The following ACSBG2 variants were observed in gnomAD, a reference collection of about 807,000 sequenced individuals.
The protein encoded by ACSBG2 is acyl-CoA synthetase bubblegum family member 2.
A neutral mutation model predicts 74.7 loss-of-function variants in ACSBG2; 62 were observed. The observed-to-expected ratio is 0.83, with a 90% CI of 0.68 to 1.03. The LOEUF (loss-of-function observed/expected upper bound fraction) is 1.03, where lower values mean the gene tolerates loss of function less well. Among genes scored for constraint, ACSBG2 ranks in the 50% least tolerant of loss-of-function variants. ACSBG2 has a pLI of 0.00. For missense variants in ACSBG2, 730 were observed against 817.6 expected (o/e 0.89, Z 1.31); for synonymous variants, 309 against 294.1 (o/e 1.05, Z -0.52).
rs114394502 is a variant in ACSBG2, at chr19:6,183,779, A to G, written c.1322+507A>G. Reference sequence around the variant, plus strand: ...TTTAGCATGGGTGAGGTTTGAAAAAATCTTTTCATACATGTGTTTATTTAT... The same window carrying G: ...TTTAGCATGGGTGAGGTTTGAAAAAGTCTTTTCATACATGTGTTTATTTAT... On this transcript the variant is annotated intron_variant, in intron 10 of 14. Coordinates refer to ENST00000588485, the MANE Select transcript of ACSBG2 (RefSeq NM_030924.5). 9.1e-3 allele frequency among the ~76,000 whole-genome samples: 1,389 copies of G among 152,162 alleles called. 25 individuals are homozygous for G. Among genetic ancestry groups the G allele is most frequent in the African/African-American group, 0.032 (1,325 of 41,514 alleles).
chr19:6,145,753 T>C lies in ACSBG2; in HGVS notation c.68-1693T>C, dbSNP rs1205537301. On this transcript the variant is annotated intron_variant, in intron 2 of 14. Transcript: ENST00000588485. ...GACCCCAAAACTGGTTTTGAATTGG[T>C]CCCTTTGCTAGTTCCATTTGGCTGA... Among the ~76,000 whole-genome samples, 6 of 152,174 alleles carry C rather than the reference T, an allele frequency of 3.9e-5. No individual in the cohort carries two copies. The East Asian group carries it at 1.2e-3, about 29-fold the overall frequency.
In ACSBG2 at chr19:6,142,258, G is replaced by A. The variant is rs527303651; in HGVS notation, c.67+648G>A. On this transcript the variant is annotated intron_variant, in intron 2 of 14. Transcript: ENST00000588485. Reference sequence around the variant, plus strand: ...GGAATCATCCATGTAGATAGGGTGCGGATATGATCATAGTGATTTATTAAC... The same window carrying A: ...GGAATCATCCATGTAGATAGGGTGCAGATATGATCATAGTGATTTATTAAC... Among the ~76,000 whole-genome samples, 7 of 152,174 alleles carry A rather than the reference G, an allele frequency of 4.6e-5. No individual in the cohort carries two copies. In the East Asian group the frequency reaches 7.7e-4, roughly 17 times the overall value.
chr19:6,157,852 C>T (rs2089475144), intron 5 of ACSBG2, among the ~76,000 whole-genome samples: 3 of 151,970 alleles, frequency 2.0e-5, no homozygotes, highest in Non-Finnish European at 2.9e-5. Context: ...CATTTCTTGT[C>T]ATTGTCTTCA....
intron 13 of ACSBG2, chr19:6,189,703 C>CTTTTTTTTTTTTT: frequency 6.6e-6 from 1 of 150,718 alleles, no homozygotes. Flanking sequence ...TATTTTCTTT[C>CTTTTTTTTTTTTT]TTTCTTTCTT....
chr19:6,178,766 G>A (rs115267943), intron 8 of ACSBG2, among the ~76,000 whole-genome samples: 4,800 of 152,216 alleles, frequency 0.032, 219 homozygotes, highest in African/African-American at 0.11. Context: ...AGCAAAATCT[G>A]AGTTGGAGAT....
intron 10 of ACSBG2, among the ~76,000 whole-genome samples, chr19:6,184,472 T>C (rs2090342495): frequency 2.6e-5 from 4 of 152,144 alleles, no homozygotes; most frequent in Admixed American, 2.6e-4. Flanking sequence ...TCATTTTTTC[T>C]TTTGCTAACC....
At chr19:6,183,718 G>T (rs1268206940) in intron 10 of ACSBG2, among the ~76,000 whole-genome samples, 1 of 152,188 alleles carries the variant, frequency 6.6e-6, no homozygotes, top group Non-Finnish European at 1.5e-5. Flanking sequence ...GTCAGTCATA[G>T]AATCTTCTGG....
Position 6,185,451 on chromosome 19 carries a change from G to T in ACSBG2, c.1338G>T (p.Leu446Phe). 1 of 1,614,154 alleles carries T rather than the reference G, an allele frequency of 6.2e-7. No homozygotes were observed. The highest frequency in any genetic ancestry group is 1.1e-5 in the South Asian group (1 of 91,064). ...CCCCTGGCAGCTGTGGCAAGATCTT[G>T]ACTGGGTGTAAGAATATGCTGTTCC... ...NYRLLSCGKI[L>F]TGCKNMLFQQ... The change falls in exon 11 of 15, where the codon TTG (leucine) becomes TTT (phenylalanine). Residue 446 changes from leucine to phenylalanine, a missense_variant. Leu to Phe is a conservative substitution (Grantham distance 22). Transcript: ENST00000588485.
chr19:6,169,867 T>A (rs2089915681), intron 7 of ACSBG2, among the ~76,000 whole-genome samples: 2 of 152,204 alleles, frequency 1.3e-5, no homozygotes, highest in Admixed American at 1.3e-4. Flanking sequence ...AATTCTTGAT[T>A]TGGTTTTCAA....
At chr19:6,160,053 TAGAG>T (rs879535818) in intron 5 of ACSBG2, among the ~76,000 whole-genome samples, 3 of 152,110 alleles carry the variant, frequency 2.0e-5, no homozygotes, top group Admixed American at 6.5e-5. Context: ...AGAAGTGTCA[TAGAG>T]AGACCCCATC....
At chr19:6,175,682 A>T (rs570734270) in intron 7 of ACSBG2, among the ~76,000 whole-genome samples, 48 of 152,224 alleles carry the variant, frequency 3.2e-4, no homozygotes, top group Non-Finnish European at 6.5e-4. Context: ...TGGATTAATG[A>T]AGTAACTATT....
rs1017237908 is a variant in ACSBG2 at position 6,157,730 on chromosome 19, T to C, written c.507+1179T>C. Among the ~76,000 whole-genome samples the C allele has an allele frequency of 2.0e-5, 3 of 152,130 alleles. No individual in the cohort carries two copies. In the East Asian group the frequency reaches 5.8e-4, roughly 29 times the overall value. ...CCATGCCCAACCTTAAGCCCCCACT[T>C]AAGTAAAAGTATTAATATATTTATG... On this transcript the variant is annotated intron_variant, in intron 5 of 14. Transcript: ENST00000588485.
intron 13 of ACSBG2, among the ~76,000 whole-genome samples, chr19:6,188,834 C>T (rs993362030): frequency 6.6e-6 from 1 of 152,088 alleles, no homozygotes; most frequent in Non-Finnish European, 1.5e-5. Flanking sequence ...GTGGAAGCTG[C>T]ATTCTTTGGT....
chr19:6,147,342 T>G, intron 2 of ACSBG2, 104 bp from the exon 3 acceptor site: 1 of 836,386 alleles, frequency 1.2e-6, no homozygotes, highest in South Asian at 1.6e-5. Flanking sequence ...GGGGATTAAT[T>G]CAACTCTCAG....
intron 8 of ACSBG2, among the ~76,000 whole-genome samples, chr19:6,182,204 T>G (rs934093463): frequency 3.3e-5 from 5 of 150,750 alleles, no homozygotes; most frequent in Non-Finnish European, 4.4e-5. Context: ...CTTGTCAATT[T>G]GTATTTAAAA....
chr19:6,190,182 A>C (rs1213848114), intron 13 of ACSBG2: 5 of 194,648 alleles, frequency 2.6e-5, no homozygotes, highest in Non-Finnish European at 5.4e-5. Flanking sequence ...CTCAGGGAGC[A>C]GACAACTCCC....
At chr19:6,162,372 C>A (rs1231782138) in intron 6 of ACSBG2, among the ~76,000 whole-genome samples, 2 of 151,408 alleles carry the variant, frequency 1.3e-5, no homozygotes, top group Admixed American at 6.6e-5. Flanking sequence ...CGAGACCATC[C>A]TGGCTAACAC....
intron 2 of ACSBG2, among the ~76,000 whole-genome samples, chr19:6,143,581 CTACAGTCAT>C (rs60128082): frequency 0.022 from 3,395 of 152,196 alleles, 131 homozygotes; most frequent in African/African-American, 0.078. Context: ...ATGTAACCCA[CTACAGTCAT>C]TAAAATATCC....
At chr19:6,171,411 G>GCTTATC (rs2089961761) in intron 7 of ACSBG2, among the ~76,000 whole-genome samples, 2 of 152,076 alleles carry the variant, frequency 1.3e-5, no homozygotes, top group African/African-American at 4.8e-5. Flanking sequence ...GGCTGATCTA[G>GCTTATC]TGATGACAAA....
Sources: allele counts gnomAD v4.1 joint callset (sites outside exome capture counted in the v4.1 genomes callset), GRCh38; gene constraint gnomAD v4.1.1; transcripts MANE v1.5; gene names NCBI Gene and HGNC (gene_info 2026-07-23, HGNC 2026-07-21).